Variants in USP49 observed in about 807,000 individuals in gnomAD.
The protein encoded by USP49 is ubiquitin carboxyl-terminal hydrolase 49.
In USP49, 24 loss-of-function variants were observed where a neutral mutation model predicts 58.6. That is an observed-to-expected ratio of 0.41 (90% confidence interval 0.30 to 0.58). The LOEUF (loss-of-function observed/expected upper bound fraction) is 0.58, where lower values mean the gene tolerates loss of function less well. USP49 is among the 20% of genes least tolerant of loss of function. The probability of loss-of-function intolerance (pLI) is 0.30; values close to 1 mark genes in which losing one functional copy is unlikely to be tolerated. For synonymous variants in USP49, 408 were observed against 365.1 expected (o/e 1.12, Z -1.34); for missense variants, 703 against 866.1 (o/e 0.81, Z 2.36).
intron 3 of USP49, among the ~76,000 whole-genome samples, chr6:41,818,338 C>A (rs183901780): frequency 6.6e-6 from 1 of 152,100 alleles, no homozygotes; most frequent in African/African-American, 2.4e-5. Context: ...TGGGAGAGCA[C>A]GTGTACACAC....
chr6:41,890,116 G>A (rs908541458), intron 2 of USP49, among the ~76,000 whole-genome samples: 1 of 152,056 alleles, frequency 6.6e-6, no homozygotes, highest in Non-Finnish European at 1.5e-5. Context: ...GGATCAGCTG[G>A]GCACGGTGGC....
At chr6:41,824,100 C>G (rs1207538419) in intron 3 of USP49, among the ~76,000 whole-genome samples, 1 of 152,110 alleles carries the variant, frequency 6.6e-6, no homozygotes, top group Non-Finnish European at 1.5e-5. Context: ...ACTTGGCCAG[C>G]CTTGTTACTC....
chr6:41,834,312 A>G (rs900277919), intron 3 of USP49, among the ~76,000 whole-genome samples: 2 of 152,234 alleles, frequency 1.3e-5, no homozygotes, highest in African/African-American at 2.4e-5. Context: ...GGAAACAATG[A>G]TTATACAATA....
intron 3 of USP49, among the ~76,000 whole-genome samples, chr6:41,859,790 C>T (rs1774189284): frequency 6.6e-6 from 1 of 152,138 alleles, no homozygotes; most frequent in Non-Finnish European, 1.5e-5. Flanking sequence ...GACAATCTTT[C>T]TGATCGAAAA....
At chr6:41,814,652 A>T (rs892403962) in intron 3 of USP49, among the ~76,000 whole-genome samples, 2 of 110,000 alleles carry the variant, frequency 1.8e-5, no homozygotes, top group Non-Finnish European at 3.9e-5. Flanking sequence ...GGAAAAAAAG[A>T]GGGTAAATCT....
intron 2 of USP49, among the ~76,000 whole-genome samples, chr6:41,884,172 C>T (rs559414666): frequency 2.1e-4 from 32 of 152,186 alleles, no homozygotes; most frequent in Admixed American, 3.3e-4. Context: ...CACAGGTGCG[C>T]ACCACCACAC....
At chr6:41,888,589 G>A (rs904649098) in intron 2 of USP49, among the ~76,000 whole-genome samples, 9 of 152,190 alleles carry the variant, frequency 5.9e-5, no homozygotes, top group African/African-American at 2.2e-4. Context: ...GAGTAGCTGG[G>A]ATTACAGGCA....
intron 2 of USP49, among the ~76,000 whole-genome samples, chr6:41,882,873 A>G (rs1302972620): frequency 6.6e-6 from 1 of 151,942 alleles, no homozygotes; most frequent in African/African-American, 2.4e-5. Context: ...CTGAGATCGC[A>G]CCACTGTACT....
At position 41,794,017 on chromosome 6, in the gene USP49, C is replaced by G. The variant is rs2127314180; in HGVS notation, c.*2516G>C. On this transcript the variant is annotated 3_prime_UTR_variant, in exon 8 of 8. Transcript: ENST00000682992. ...CAATTTCAGATGCAACTGAGACATT[C>G]ATCTATACCCAGTACGTAAATAAAT... 6.6e-6 allele frequency: 1 copy of G among 152,320 alleles called. No individual in the cohort carries two copies. The highest frequency in any genetic ancestry group is 3.4e-3 in the Middle Eastern group (1 of 292). 9.4% of individuals were successfully genotyped at this position (152,320 alleles called of 1,614,324 possible).
chr6:41,858,247 C>T (rs1253136212), intron 3 of USP49, among the ~76,000 whole-genome samples: 1 of 152,148 alleles, frequency 6.6e-6, no homozygotes, highest in Non-Finnish European at 1.5e-5. Context: ...ATAAATATTA[C>T]CTCTTCCCCA....
At chr6:41,875,585 T>C (rs1774489157) in intron 2 of USP49, among the ~76,000 whole-genome samples, 1 of 152,200 alleles carries the variant, frequency 6.6e-6, no homozygotes, top group Admixed American at 6.5e-5. Flanking sequence ...TGCCTATTAT[T>C]TCCCTTTACA....
chr6:41,858,516 C>T (rs990277981), intron 3 of USP49, among the ~76,000 whole-genome samples: 3 of 152,068 alleles, frequency 2.0e-5, no homozygotes, highest in African/African-American at 7.2e-5. Context: ...CCAATCAGGC[C>T]CTAGATGCTA....
intron 2 of USP49, chr6:41,873,061 G>T (rs1157685864): frequency 6.6e-6 from 1 of 152,284 alleles, no homozygotes; most frequent in Non-Finnish European, 1.5e-5. Context: ...AGACAGGGAA[G>T]AATTTGGTTT....
intron 3 of USP49, among the ~76,000 whole-genome samples, chr6:41,808,407 C>CTTTT (rs5875774): frequency 2.6e-5 from 3 of 117,552 alleles, no homozygotes; most frequent in African/African-American, 6.6e-5. Context: ...AGCTATACAA[C>CTTTT]TTTTTTTTTT....
intron 3 of USP49, among the ~76,000 whole-genome samples, chr6:41,810,444 G>A (rs1773236038): frequency 6.6e-6 from 1 of 151,000 alleles, no homozygotes. Context: ...AGCCAAGATT[G>A]TGCCATCGCA....
intron 3 of USP49, 146 bp from the exon 4 acceptor site, chr6:41,807,157 C>A: frequency 1.1e-6 from 1 of 929,932 alleles, no homozygotes; most frequent in Non-Finnish European, 1.4e-6. Context: ...AAATTGGTTC[C>A]TTTGAAAGTT....
intron 3 of USP49, among the ~76,000 whole-genome samples, chr6:41,842,928 C>A (rs1773851998): frequency 6.6e-6 from 1 of 151,798 alleles, no homozygotes; most frequent in South Asian, 2.1e-4. Context: ...ATGATGGAGT[C>A]TTGCTGTGTT....
intron 3 of USP49, among the ~76,000 whole-genome samples, chr6:41,844,125 G>A (rs931247808): frequency 2.0e-4 from 31 of 151,972 alleles, no homozygotes; most frequent in African/African-American, 7.5e-4. Context: ...GGAGACTGAA[G>A]CACAAGAACC....
At position 41,805,925 on chromosome 6, in the gene USP49, CT is replaced by C. The variant is rs1773108911; in HGVS notation, c.1058del (p.Lys353SerfsTer23). ...GCAGTTCACGGCAGAGGGAAATGTG[CT>C]TTGAACTCGGCTCCTTGTTCTGGAT... Reference protein sequence around the residue: ...ELIQNKEPSSKHISLCRELHT... With the variant: ...ELIQNKEPSSXHISLCRELHT... On this transcript the variant is annotated frameshift_variant, in exon 4 of 8. Transcript: ENST00000682992. LOFTEE classifies it high-confidence loss of function. The C allele has an allele frequency of 6.2e-7, 1 of 1,613,866 alleles. No homozygotes were observed. Among genetic ancestry groups the C allele is most frequent in the South Asian group, 1.1e-5 (1 of 91,080 alleles).
Sources: gnomAD v4.1 joint callset for allele counts (sites outside exome capture counted in the v4.1 genomes callset) on GRCh38, gnomAD v4.1.1 for gene constraint, MANE v1.5 for transcripts, NCBI Gene and HGNC (gene_info 2026-07-23, HGNC 2026-07-21) for gene names.